Variants in PLCG1 observed in about 807,000 individuals in gnomAD.
The protein encoded by PLCG1 is phospholipase C gamma 1.
Under a neutral mutation model 177.8 loss-of-function variants are expected in PLCG1, and 71 were observed. The observed-to-expected ratio is 0.40, with a 90% CI of 0.33 to 0.49. The LOEUF (loss-of-function observed/expected upper bound fraction) is 0.49. PLCG1 is among the 20% of genes least tolerant of loss of function. PLCG1 has a pLI of 0.72. For synonymous variants in PLCG1, 658 were observed against 647.9 expected (o/e 1.02, Z -0.24); for missense variants, 1,281 against 1,709.0 (o/e 0.75, Z 4.42).
At position 41,159,268 on chromosome 20, in the gene PLCG1, C is replaced by T. The variant is rs1182180507; in HGVS notation, c.218-338C>T. 6.6e-6 allele frequency among the ~76,000 whole-genome samples: 1 copy of T among 152,128 alleles called. No homozygotes were observed. The highest frequency in any genetic ancestry group is 1.5e-5 in the Non-Finnish European group (1 of 68,026). ...GTGTACCTTGTGTCAGGAAGTGGTC[C>T]TCATGAACAGCCTTGGGTCCCTATT... On this transcript the variant is annotated intron_variant, in intron 1 of 31. Transcript: ENST00000685551. The surrounding 1 kb of genome is among the most constrained non-coding windows in gnomAD (Gnocchi z 6.0).
rs202242657 is a variant in PLCG1, at chr20:41,172,784, C to T, written c.3186C>T (p.Tyr1062=). ...TCATGACGGGCAGGCACTGTGGCTA[C>T]GTGCTGCAGCCAAGCACCATGCGGG... ...ALFMTGRHCG[Y]VLQPSTMRDE... Residue 1062 remains tyrosine, a synonymous_variant, in exon 27 of 32, where the codon TAC becomes TAT. Coordinates refer to ENST00000685551, the MANE Select transcript of PLCG1 (RefSeq NM_002660.3). The surrounding 1 kb of genome is among the most constrained non-coding windows in gnomAD (Gnocchi z 7.0). 2.4e-5 allele frequency: 38 copies of T among 1,614,150 alleles called. No individual in the cohort carries two copies. Among genetic ancestry groups the T allele is most frequent in the Admixed American group, 2.2e-4 (13 of 60,028 alleles).
Position 41,164,224 on chromosome 20 carries a change from C to T in PLCG1, c.1217+23C>T. On this transcript the variant is annotated intron_variant, in intron 12 of 31. Transcript: ENST00000685551. The surrounding 1 kb of genome is among the most constrained non-coding windows in gnomAD (Gnocchi z 6.4). ...AGAGTGAGTCGGAGGCTGGATGACCCAGGGGTTAACTTGGCTCCAGGTCTC... is the reference window on the plus strand; with the variant it reads ...AGAGTGAGTCGGAGGCTGGATGACCTAGGGGTTAACTTGGCTCCAGGTCTC... 1 of 1,613,340 alleles carries T rather than the reference C, an allele frequency of 6.2e-7. No individual in the cohort carries two copies. Among genetic ancestry groups the T allele is most frequent in the South Asian group, 1.1e-5 (1 of 91,028 alleles).
intron 1 of PLCG1, among the ~76,000 whole-genome samples, chr20:41,152,695 G>A (rs892372669): frequency 6.6e-6 from 1 of 152,274 alleles, no homozygotes; most frequent in African/African-American, 2.4e-5. Flanking sequence ...CCCTGGGTTT[G>A]TGTTGGACTG....
Position 41,176,784 on chromosome 20 carries a change from A to G in PLCG1, c.*2275A>G, listed in dbSNP as rs745624100. 5 of 151,866 alleles carry G rather than the reference A, an allele frequency of 3.3e-5. No homozygotes were observed. Among genetic ancestry groups the G allele is most frequent in the Non-Finnish European group, 5.9e-5 (4 of 67,934 alleles). 9.4% of individuals were successfully genotyped at this position (151,866 alleles called of 1,614,324 possible). ...CTTCAAGATTCCTCCAGACCTGACA[A>G]ATGTTGATTGACCCAGAAGGCAGAG... On this transcript the variant is annotated 3_prime_UTR_variant, in exon 32 of 32. Coordinates refer to ENST00000685551, the MANE Select transcript of PLCG1 (RefSeq NM_002660.3).
At chr20:41,152,408 C>G (rs2035193609) in intron 1 of PLCG1, among the ~76,000 whole-genome samples, 1 of 152,232 alleles carries the variant, frequency 6.6e-6, no homozygotes, top group Non-Finnish European at 1.5e-5. Flanking sequence ...TATTTGCCCC[C>G]AGGGGTCACA....
At chr20:41,168,687 G>A (rs1222967580) in intron 20 of PLCG1, 80 bp from the exon 21 acceptor site, 2 of 820,246 alleles carry the variant, frequency 2.4e-6, no homozygotes, top group Non-Finnish European at 4.2e-6. Context: ...CCAAGCACAT[G>A]TGTGTGTGCA....
rs943161809 is a variant in PLCG1 at position 41,147,110 on chromosome 20, C to T, written c.217+9252C>T. ...TGATAGTCCACCACCTGTTTGGAGG[C>T]AGCTCCCCTCTTCCTGCCCTAGTCA... is the stretch of plus-strand genomic sequence containing the variant. On this transcript the variant is annotated intron_variant, in intron 1 of 31. Coordinates refer to ENST00000685551, the MANE Select transcript of PLCG1 (RefSeq NM_002660.3). This position sits in a 1 kb window ranked among gnomAD's most constrained non-coding sequence, Gnocchi z 4.0. Among the ~76,000 whole-genome samples, 1 of 152,200 alleles carries T rather than the reference C, an allele frequency of 6.6e-6. No individual in the cohort carries two copies. Among genetic ancestry groups the T allele is most frequent in the African/African-American group, 2.4e-5 (1 of 41,450 alleles).
intron 6 of PLCG1, 83 bp from the exon 7 acceptor site, chr20:41,162,875 C>A: frequency 7.1e-7 from 1 of 1,405,856 alleles, no homozygotes; most frequent in Non-Finnish European, 1.0e-6. Context: ...CCCCCATCTG[C>A]TGCTCTAGCC....
chr20:41,164,053 G>A lies in PLCG1; in HGVS notation c.1097-28G>A, dbSNP rs763490050. On this transcript the variant is annotated intron_variant, in intron 11 of 31. Coordinates refer to ENST00000685551, the MANE Select transcript of PLCG1 (RefSeq NM_002660.3). This position sits in a 1 kb window ranked among gnomAD's most constrained non-coding sequence, Gnocchi z 6.4. Reference sequence around the variant, plus strand: ...GGGAGGGAAGATGGGAGGCCTGCCCGCTTGACCATGGTGATGTTGCTCCCC... The same window carrying A: ...GGGAGGGAAGATGGGAGGCCTGCCCACTTGACCATGGTGATGTTGCTCCCC... The A allele has an allele frequency of 4.3e-6, 7 of 1,614,132 alleles. No homozygotes were observed. The highest frequency in any genetic ancestry group is 5.9e-6 in the Non-Finnish European group (7 of 1,180,022).
In PLCG1 at chr20:41,162,501, G is replaced by C; in HGVS notation, c.562G>C (p.Val188Leu). Reference protein sequence around the residue: ...KNMLSQVNYRVPNMRFLRERL... With the variant: ...KNMLSQVNYRLPNMRFLRERL... Reference sequence around the variant, plus strand: ...CATGCTGTCCCAGGTCAACTACCGGGTCCCCAACATGCGCTTCCTCCGAGA... The same window carrying C: ...CATGCTGTCCCAGGTCAACTACCGGCTCCCCAACATGCGCTTCCTCCGAGA... Residue 188 changes from valine to leucine, a missense_variant, in exon 5 of 32, where the codon GTC becomes CTC. Val to Leu is a conservative substitution (Grantham distance 32). Transcript: ENST00000685551. 1 of 1,613,890 alleles carries C rather than the reference G, an allele frequency of 6.2e-7. No homozygotes were observed. Among genetic ancestry groups the C allele is most frequent in the Non-Finnish European group, 8.5e-7 (1 of 1,179,940 alleles).
In PLCG1 at chr20:41,174,289, C is replaced by G. The variant is rs1331979401; in HGVS notation, c.3811C>G (p.His1271Asp). 6.2e-7 allele frequency: 1 copy of G among 1,613,988 alleles called. No individual in the cohort carries two copies. The highest frequency in any genetic ancestry group is 2.2e-5 in the East Asian group (1 of 44,894). ...FRISQEHLAD[H>D]FDSRERRAPR... Reference sequence around the variant, plus strand: ...CATCTCCCAGGAGCATCTCGCAGACCATTTTGACAGTCGAGAACGAAGGTG... The same window carrying G: ...CATCTCCCAGGAGCATCTCGCAGACGATTTTGACAGTCGAGAACGAAGGTG... The change falls in exon 31 of 32, where the codon CAT becomes GAT. Residue 1271 changes from histidine (H) to aspartate (D), a missense_variant. By Grantham distance (81) the His-to-Asp change is moderately conservative. Transcript: ENST00000685551. This position sits in a 1 kb window ranked among gnomAD's most constrained non-coding sequence, Gnocchi z 5.8.
At position 41,174,402 on chromosome 20, in the gene PLCG1, A is replaced by G. The variant is rs1385830622; in HGVS notation, c.3834-65A>G. 1.2e-6 allele frequency: 2 copies of G among 1,600,764 alleles called. No individual in the cohort carries two copies. The highest frequency in any genetic ancestry group is 3.4e-5 in the Admixed American group (2 of 58,726). ...CTTTCTCCTGGGTAGAAAAGTTGTAATATTGTCTGGCATTGGGCTGCAAGG... is the reference window on the plus strand; with the variant it reads ...CTTTCTCCTGGGTAGAAAAGTTGTAGTATTGTCTGGCATTGGGCTGCAAGG... On this transcript the variant is annotated intron_variant, in intron 31 of 31. Transcript: ENST00000685551. This position sits in a 1 kb window ranked among gnomAD's most constrained non-coding sequence, Gnocchi z 5.8.
chr20:41,162,279 A>C, intron 4 of PLCG1, 173 bp from the exon 5 acceptor site: 1 of 256,392 alleles, frequency 3.9e-6, no homozygotes, highest in Non-Finnish European at 6.6e-6. Context: ...ACTGAGGTCC[A>C]AAGAAAGGAA....
At position 41,166,393 on chromosome 20, in the gene PLCG1, G is replaced by A; in HGVS notation, c.1999G>A (p.Glu667Lys). 6.2e-7 allele frequency: 1 copy of A among 1,614,112 alleles called. No homozygotes were observed. ...VPQTNAHESK[E>K]WYHASLTRAQ... Reference sequence around the variant, plus strand: ...ACAGACCAACGCCCACGAGAGCAAAGAGTGAGGGAAGGGCCTGGGGGCGGA... The same window carrying A: ...ACAGACCAACGCCCACGAGAGCAAAAAGTGAGGGAAGGGCCTGGGGGCGGA... Residue 667 changes from glutamate (E) to lysine (K), a missense_variant and splice_region_variant, in exon 17 of 32, where the codon GAG becomes AAG. Around this residue, in one of 4 missense-constraint regions of PLCG1, gnomAD observed 723 missense variants for 1,030.0 expected, o/e 0.70. Transcript: ENST00000685551. This position sits in a 1 kb window ranked among gnomAD's most constrained non-coding sequence, Gnocchi z 8.6.
rs932117196 is a variant in PLCG1 at position 41,163,824 on chromosome 20, C to T, written c.1001C>T (p.Ser334Leu). 1.2e-6 allele frequency: 2 copies of T among 1,612,718 alleles called. No homozygotes were observed. The highest frequency in any genetic ancestry group is 1.7e-6 in the Non-Finnish European group (2 of 1,178,684). Residue 334 changes from serine to leucine, a missense_variant, in exon 10 of 32, where the codon TCG becomes TTG. Physicochemically the swap from Ser to Leu is moderately radical, Grantham distance 145. Coordinates refer to ENST00000685551, the MANE Select transcript of PLCG1 (RefSeq NM_002660.3). The surrounding 1 kb of genome is among the most constrained non-coding windows in gnomAD (Gnocchi z 5.2). ...CTTTCCCACTACTGGATCTCCTCCT[C>T]GCACAACACGTGAGTGTGGCTCCTT... ...NPLSHYWISS[S>L]HNTYLTGDQF... is the part of the protein sequence containing the mutation.
chr20:41,164,894 G>A lies in PLCG1; in HGVS notation c.1218-39G>A, dbSNP rs1375379385. ...AGGGGCTACTTAGACCCAGAGAATTGCAGAATCTGTTTCACTGTGCTTGTC... is the reference window on the plus strand; with the variant it reads ...AGGGGCTACTTAGACCCAGAGAATTACAGAATCTGTTTCACTGTGCTTGTC... On this transcript the variant is annotated intron_variant, in intron 12 of 31. Transcript: ENST00000685551. This position sits in a 1 kb window ranked among gnomAD's most constrained non-coding sequence, Gnocchi z 6.4. 1.9e-6 allele frequency: 3 copies of A among 1,592,092 alleles called. No individual in the cohort carries two copies. The highest frequency in any genetic ancestry group is 1.7e-4 in the Middle Eastern group (1 of 5,836).
intron 1 of PLCG1, among the ~76,000 whole-genome samples, chr20:41,141,842 T>C (rs2034839705): frequency 6.6e-6 from 1 of 152,244 alleles, no homozygotes; most frequent in East Asian, 1.9e-4. Flanking sequence ...CACCCAGTCC[T>C]GGGACCCACA....
chr20:41,148,699 A>G lies in PLCG1; in HGVS notation c.217+10841A>G, dbSNP rs766083726. Among the ~76,000 whole-genome samples the G allele has an allele frequency of 1.3e-5, 2 of 152,240 alleles. No homozygotes were observed. The highest frequency in any genetic ancestry group is 2.4e-5 in the African/African-American group (1 of 41,454). Reference sequence around the variant, plus strand: ...GAGTTTACGCTCTAGTGGAGAAAACAATCAGACAGCCTTAAAATACATGTA... The same window carrying G: ...GAGTTTACGCTCTAGTGGAGAAAACGATCAGACAGCCTTAAAATACATGTA... On this transcript the variant is annotated intron_variant, in intron 1 of 31. Coordinates refer to ENST00000685551, the MANE Select transcript of PLCG1 (RefSeq NM_002660.3). The surrounding 1 kb of genome is among the most constrained non-coding windows in gnomAD (Gnocchi z 4.3).
chr20:41,148,405 G>A lies in PLCG1; in HGVS notation c.217+10547G>A, dbSNP rs36021246. On this transcript the variant is annotated intron_variant, in intron 1 of 31. Transcript: ENST00000685551. The surrounding 1 kb of genome is among the most constrained non-coding windows in gnomAD (Gnocchi z 4.3). ...CTAGGCCCCTGTTGTTTCCTTGTAGGAGGGAGACCCCAGATTTTTATTTCT... is the reference window on the plus strand; with the variant it reads ...CTAGGCCCCTGTTGTTTCCTTGTAGAAGGGAGACCCCAGATTTTTATTTCT... Among the ~76,000 whole-genome samples the A allele has an allele frequency of 2.5e-3, 385 of 152,220 alleles. 1 individual carries two copies. The highest frequency in any genetic ancestry group is 3.5e-3 in the Non-Finnish European group (237 of 67,996).
Sources: gnomAD v4.1 joint callset for allele counts (sites outside exome capture counted in the v4.1 genomes callset) on GRCh38, gnomAD v4.1.1 for gene constraint, gnomAD v4.1.1 regional missense constraint, Gnocchi (gnomAD v3.1) non-coding constraint, MANE v1.5 for transcripts, NCBI Gene and HGNC (gene_info 2026-07-23, HGNC 2026-07-21) for gene names.